OSBPL1A: variants seen among roughly 807,000 people sequenced by gnomAD.
OSBPL1A encodes the protein oxysterol-binding protein-related protein 1.
OSBPL1A carries 80 observed loss-of-function variants against 137.1 expected under a neutral mutation model. The ratio of observed to expected loss-of-function variants is 0.58; its 90% CI spans 0.49 to 0.70. The LOEUF is 0.70. OSBPL1A is among the 30% of genes least tolerant of loss of function. The pLI is 0.00. For synonymous variants in OSBPL1A, 365 were observed against 389.7 expected (o/e 0.94, Z 0.75); for missense variants, 970 against 1,129.4 (o/e 0.86, Z 2.02).
In OSBPL1A at chr18:24,318,603, T is replaced by G. The variant is rs749732043; in HGVS notation, c.730A>C (p.Lys244Gln). 51 of 1,608,202 alleles carry G rather than the reference T, an allele frequency of 3.2e-5. No individual in the cohort carries two copies. The highest frequency in any genetic ancestry group is 4.5e-4 in the Middle Eastern group (2 of 4,450). Residue 244 changes from lysine to glutamine, a missense_variant and splice_region_variant, in exon 9 of 28, where the codon AAG (lysine) becomes CAG (glutamine). Physicochemically the swap from Lys to Gln is moderately conservative, Grantham distance 53. This residue lies in a region of OSBPL1A where 647 missense variants were observed against 672.6 expected (regional missense o/e 0.96). Transcript: ENST00000319481. ...ATTAAAAAACCACCTCAACTTACCTTCCAGAGAGGGCCCTCATATCGTTTC... is the reference window on the plus strand; with the variant it reads ...ATTAAAAAACCACCTCAACTTACCTGCCAGAGAGGGCCCTCATATCGTTTC... ...ALKRYEGPLW[K>Q]SSRFFGWRLF...
intron 16 of OSBPL1A, among the ~76,000 whole-genome samples, chr18:24,231,833 G>A (rs568187071): frequency 6.6e-6 from 1 of 152,312 alleles, no homozygotes; most frequent in Non-Finnish European, 1.5e-5. Flanking sequence ...GCTGAAAGAA[G>A]AGGCCATAAA....
rs1391399439 is a variant in OSBPL1A at position 24,172,433 on chromosome 18, A to G, written c.2144T>C (p.Ile715Thr). Residue 715 changes from isoleucine (I) to threonine (T), a missense_variant, in exon 22 of 28, where the codon ATC becomes ACC. Transcript: ENST00000319481. ...WTNPTCCVHN[I>T]IVGKLWIEQY... The stretch of plus-strand genomic sequence containing the variant: ...TTCGATCCACAGTTTACCCACAATG[A>G]TATTATGCACACAGCAGGTGGGATT... 6.2e-7 allele frequency: 1 copy of G among 1,614,150 alleles called. No homozygotes were observed.
intron 14 of OSBPL1A, among the ~76,000 whole-genome samples, chr18:24,284,638 A>G (rs958829731): frequency 2.6e-5 from 4 of 152,322 alleles, no homozygotes; most frequent in South Asian, 2.1e-4. Flanking sequence ...TAAAAAAAAA[A>G]AAGTCCACAT....
chr18:24,205,176 T>A (rs1362976877), intron 17 of OSBPL1A, among the ~76,000 whole-genome samples: 1 of 152,234 alleles, frequency 6.6e-6, no homozygotes, highest in Non-Finnish European at 1.5e-5. Flanking sequence ...GTAGAATGGA[T>A]TCTTTAACTC....
chr18:24,168,128 T>A (rs183387898), intron 24 of OSBPL1A, among the ~76,000 whole-genome samples: 2 of 152,282 alleles, frequency 1.3e-5, no homozygotes, highest in Admixed American at 1.3e-4. Context: ...TGAGATAGGG[T>A]CTTGCTCTGT....
At position 24,271,151 on chromosome 18, in the gene OSBPL1A, T is replaced by G. The variant is rs771324637; in HGVS notation, c.1281+9691A>C. 3.0e-4 allele frequency among the ~76,000 whole-genome samples: 45 copies of G among 152,324 alleles called. No homozygotes were observed. The highest frequency in any genetic ancestry group is 5.1e-4 in the Non-Finnish European group (35 of 68,038). ...ATTTCCCTTTCTCTCCTTAATCCGCTCATGCACTTCTCGTATTCTTGGAAT... is the reference window on the plus strand; with the variant it reads ...ATTTCCCTTTCTCTCCTTAATCCGCGCATGCACTTCTCGTATTCTTGGAAT... On this transcript the variant is annotated intron_variant, in intron 15 of 27. Transcript: ENST00000319481. The surrounding 1 kb of genome is among the most constrained non-coding windows in gnomAD (Gnocchi z 4.0).
chr18:24,245,938 A>C (rs1329263900), intron 15 of OSBPL1A, among the ~76,000 whole-genome samples: 18 of 152,156 alleles, frequency 1.2e-4, no homozygotes, highest in African/African-American at 4.1e-4. Context: ...GGCTGGGCAC[A>C]GTGGCTCACA....
intron 21 of OSBPL1A, among the ~76,000 whole-genome samples, chr18:24,173,168 GT>G (rs1287602684): frequency 2.6e-5 from 4 of 152,140 alleles, no homozygotes; most frequent in Non-Finnish European, 2.9e-5. Context: ...AATACCACAT[GT>G]TCTCATTTAT....
intron 15 of OSBPL1A, chr18:24,272,255 C>CTTT (rs1213099871): frequency 3.2e-6 from 3 of 948,506 alleles, no homozygotes; most frequent in Non-Finnish European, 3.7e-6. Flanking sequence ...TTTCTTTTTT[C>CTTT]TTTTTTTTTT....
intron 18 of OSBPL1A, among the ~76,000 whole-genome samples, chr18:24,183,526 A>G (rs1214075424): frequency 6.7e-6 from 1 of 150,206 alleles, no homozygotes; most frequent in Non-Finnish European, 1.5e-5. Context: ...TCCACTTCCC[A>G]GGTTCAAGCG....
At chr18:24,212,265 G>A (rs1431778269) in intron 17 of OSBPL1A, among the ~76,000 whole-genome samples, 1 of 150,862 alleles carries the variant, frequency 6.6e-6, no homozygotes, top group African/African-American at 2.4e-5. Flanking sequence ...GTAGAATGTT[G>A]GCCAGGATGG....
At position 24,287,666 on chromosome 18, in the gene OSBPL1A, G is replaced by A. The variant is rs968924516; in HGVS notation, c.1175-6718C>T. On this transcript the variant is annotated intron_variant, in intron 14 of 27. Transcript: ENST00000319481. ...TACTTGCCTGTAATCCCAGCTACCCGGGAGGCTGAGGCAGGAGAATCGCTT... is the reference window on the plus strand; with the variant it reads ...TACTTGCCTGTAATCCCAGCTACCCAGGAGGCTGAGGCAGGAGAATCGCTT... Among the ~76,000 whole-genome samples the A allele has an allele frequency of 9.9e-5, 15 of 152,048 alleles. No homozygotes were observed. The South Asian group carries it at 1.7e-3, about 17-fold the overall frequency.
rs1187823063 is a variant in OSBPL1A, at chr18:24,172,403, T to C, written c.2174A>G (p.Tyr725Cys). 3.7e-6 allele frequency: 6 copies of C among 1,613,654 alleles called. No individual in the cohort carries two copies. Among genetic ancestry groups the C allele is most frequent in the Non-Finnish European group, 5.1e-6 (6 of 1,179,662 alleles). The change falls in exon 22 of 28, where the codon TAT becomes TGT. Residue 725 changes from tyrosine (Y) to cysteine (C), a missense_variant. By Grantham distance (194) the Tyr-to-Cys change is radical (BLOSUM62 -2). Coordinates refer to ENST00000319481, the MANE Select transcript of OSBPL1A (RefSeq NM_080597.4). ...IIVGKLWIEQ[Y>C]GNVEIINHKT... ...GTGGTTTATAATTTCCACATTGCCA[T>C]ACTGTTCGATCCACAGTTTACCCAC...
intron 17 of OSBPL1A, among the ~76,000 whole-genome samples, chr18:24,219,745 G>A (rs1187357022): frequency 6.6e-6 from 1 of 152,154 alleles, no homozygotes; most frequent in Admixed American, 6.5e-5. Flanking sequence ...TTAAACTAGG[G>A]CAGGATGAGG....
At chr18:24,219,351 G>C (rs1257654045) in intron 17 of OSBPL1A, among the ~76,000 whole-genome samples, 1 of 152,080 alleles carries the variant, frequency 6.6e-6, no homozygotes, top group Non-Finnish European at 1.5e-5. Flanking sequence ...AAACCAAGTT[G>C]GGCACATGGT....
intron 1 of OSBPL1A, among the ~76,000 whole-genome samples, chr18:24,392,795 A>G (rs1907449312): frequency 6.6e-6 from 1 of 151,942 alleles, no homozygotes; most frequent in African/African-American, 2.4e-5. Context: ...GACTCAAGCA[A>G]TCCTCCCATC....
intron 7 of OSBPL1A, among the ~76,000 whole-genome samples, chr18:24,323,539 C>CTTTTTTTTTTTTTTTTTTT (rs763234169): frequency 4.0e-4 from 14 of 35,152 alleles, no homozygotes; most frequent in African/African-American, 7.7e-4. Flanking sequence ...GAGGCTTTTT[C>CTTTTTTTTTTTTTTTTTTT]TTTTTTTTTT....
intron 2 of OSBPL1A, 108 bp downstream of exon 2, chr18:24,377,305 G>A: frequency 7.5e-7 from 1 of 1,325,480 alleles, no homozygotes; most frequent in Non-Finnish European, 1.0e-6. Flanking sequence ...TTCCTAGCAT[G>A]AGAGATAGAG....
intron 11 of OSBPL1A, among the ~76,000 whole-genome samples, chr18:24,316,277 G>C (rs1013019366): frequency 1.3e-5 from 2 of 151,586 alleles, no homozygotes; most frequent in East Asian, 3.9e-4. Flanking sequence ...ACAGAAACAA[G>C]AACAAAACAA....
Sources: allele counts gnomAD v4.1 joint callset (sites outside exome capture counted in the v4.1 genomes callset), GRCh38; gene constraint gnomAD v4.1.1; regional missense constraint gnomAD v4.1.1; non-coding constraint Gnocchi (gnomAD v3.1); transcripts MANE v1.5; gene names NCBI Gene and HGNC (gene_info 2026-07-23, HGNC 2026-07-21).